Variants in RGS10 observed in about 807,000 individuals in gnomAD.
RGS10 encodes regulator of G protein signaling 10, also known as regulator of G-protein signalling 10.
Under a neutral mutation model 23.5 loss-of-function variants are expected in RGS10, and 11 were observed. The observed-to-expected ratio is 0.47, with a 90% CI of 0.29 to 0.77. RGS10 has a LOEUF of 0.77. Ranked by LOEUF, RGS10 falls within the 30% of genes least tolerant of loss-of-function variation. RGS10 has a pLI of 0.08. For synonymous variants in RGS10, 77 were observed against 83.2 expected (o/e 0.92, Z 0.41); for missense variants, 180 against 226.3 (o/e 0.80, Z 1.31).
intron 1 of RGS10, among the ~76,000 whole-genome samples, chr10:119,531,654 A>G (rs74858981): frequency 1.1e-3 from 170 of 152,300 alleles, no homozygotes; most frequent in African/African-American, 3.7e-3. Context: ...ACCTCATTTT[A>G]TAGACTGGGA....
chr10:119,511,160 C>T (rs1382018425), intron 4 of RGS10, among the ~76,000 whole-genome samples: 2 of 152,188 alleles, frequency 1.3e-5, no homozygotes, highest in Non-Finnish European at 2.9e-5. Context: ...TCTAGGCTAA[C>T]GTACTAGGGA....
chr10:119,508,589 C>A (rs1399874124), intron 4 of RGS10, among the ~76,000 whole-genome samples: 1 of 152,162 alleles, frequency 6.6e-6, no homozygotes, highest in Non-Finnish European at 1.5e-5. Context: ...TCATATGGAA[C>A]AACTTTAAGT....
chr10:119,514,917 C>T (rs1313467498), intron 4 of RGS10, among the ~76,000 whole-genome samples: 1 of 152,172 alleles, frequency 6.6e-6, no homozygotes, highest in African/African-American at 2.4e-5. Flanking sequence ...GCCCATGCGT[C>T]CTTCCGACTG....
intron 4 of RGS10, among the ~76,000 whole-genome samples, chr10:119,509,231 A>G (rs772272323): frequency 6.6e-6 from 1 of 152,044 alleles, no homozygotes; most frequent in Non-Finnish European, 1.5e-5. Context: ...CACTTCACAA[A>G]TGAGAAAAGC....
intron 3 of RGS10, among the ~76,000 whole-genome samples, chr10:119,515,901 ATTCAG>A (rs1257793723): frequency 6.6e-6 from 1 of 152,122 alleles, no homozygotes; most frequent in Non-Finnish European, 1.5e-5. Context: ...TGCATTAACC[ATTCAG>A]AAGTGATGAC....
At chr10:119,533,676 C>G (rs1030093716) in intron 1 of RGS10, among the ~76,000 whole-genome samples, 5 of 152,198 alleles carry the variant, frequency 3.3e-5, no homozygotes, top group Non-Finnish European at 7.3e-5. Flanking sequence ...GAAAAAATGT[C>G]AGGCATGTTC....
chr10:119,503,616 G>A (rs777365260), intron 4 of RGS10, among the ~76,000 whole-genome samples: 2 of 152,138 alleles, frequency 1.3e-5, no homozygotes, highest in African/African-American at 4.8e-5. Context: ...TCCCTCCAGC[G>A]CTCTGAAGAC....
At chr10:119,506,245 G>A (rs1292258471) in intron 4 of RGS10, among the ~76,000 whole-genome samples, 1 of 152,242 alleles carries the variant, frequency 6.6e-6, no homozygotes, top group African/African-American at 2.4e-5. Context: ...GGAACGGGCT[G>A]CACCCAGGAG....
intron 4 of RGS10, 54 bp downstream of exon 4, chr10:119,515,455 C>T (rs189678598): frequency 1.1e-4 from 173 of 1,607,708 alleles, no homozygotes; most frequent in Non-Finnish European, 1.4e-4. Flanking sequence ...TTCTTCCAGG[C>T]CTGGAATTAA....
intron 1 of RGS10, among the ~76,000 whole-genome samples, chr10:119,528,250 C>G (rs866772453): frequency 1.3e-5 from 2 of 152,064 alleles, no homozygotes; most frequent in Non-Finnish European, 2.9e-5. Flanking sequence ...AGGCTGGTCT[C>G]GAACTCTTGA....
At chr10:119,507,201 C>G (rs760112064) in intron 4 of RGS10, among the ~76,000 whole-genome samples, 9 of 152,136 alleles carry the variant, frequency 5.9e-5, no homozygotes, top group Non-Finnish European at 1.2e-4. Context: ...TCTTTTGGAG[C>G]AAATGTCACC....
chr10:119,532,817 G>T (rs185953720), intron 1 of RGS10, among the ~76,000 whole-genome samples: 670 of 152,114 alleles, frequency 4.4e-3, no homozygotes, highest in Non-Finnish European at 7.7e-3. Flanking sequence ...CTCCAGCCTG[G>T]GTGACAGGGC....
chr10:119,519,353 G>A (rs929037415), intron 3 of RGS10, among the ~76,000 whole-genome samples: 3 of 108,318 alleles, frequency 2.8e-5, no homozygotes, highest in African/African-American at 1.5e-4. Flanking sequence ...CTGTCTCCCT[G>A]TATCTGTCCC....
rs1471599741 is a variant in RGS10, at chr10:119,540,861, G to C, written c.49+1729C>G. Among the ~76,000 whole-genome samples, 4 of 152,252 alleles carry C rather than the reference G, an allele frequency of 2.6e-5. 1 individual carries two copies. The East Asian group carries it at 7.7e-4, about 29-fold the overall frequency. On this transcript the variant is annotated intron_variant, in intron 1 of 4. Transcript: ENST00000369103. ...TATTATGTGCCACACATTGTACTAG[G>C]GGCTTCATATGGTTTTGAGTATTTA... is the stretch of plus-strand genomic sequence containing the variant.
chr10:119,520,988 T>C (rs1022576890), intron 3 of RGS10, among the ~76,000 whole-genome samples: 3 of 152,152 alleles, frequency 2.0e-5, no homozygotes, highest in Non-Finnish European at 4.4e-5. Context: ...AATTTCCAGA[T>C]TATATGGCTC....
chr10:119,535,980 A>G (rs923519784), intron 1 of RGS10, among the ~76,000 whole-genome samples: 2 of 152,164 alleles, frequency 1.3e-5, no homozygotes, highest in African/African-American at 2.4e-5. Flanking sequence ...AGTCCTCCCA[A>G]TTTAGAATCA....
In RGS10 at chr10:119,527,357, C is replaced by T. The variant is rs760397330; in HGVS notation, c.117G>A (p.Ala39=). The T allele has an allele frequency of 6.2e-6, 10 of 1,614,068 alleles. No individual in the cohort carries two copies. The African/African-American group carries it at 6.7e-5, about 11-fold the overall frequency. ...HQSLKSTAKW[A]ASLENLLEDP... ...CTTCCAGCAGATTCTCCAGGGATGC[C>T]GCCCATTTGGCTGTGCTCTTGAGGC... The change falls in exon 2 of 5, where the codon GCG becomes GCA. Residue 39 remains alanine (A), a synonymous_variant. Transcript: ENST00000369103. This position sits in a 1 kb window ranked among gnomAD's most constrained non-coding sequence, Gnocchi z 4.2.
intron 1 of RGS10, among the ~76,000 whole-genome samples, chr10:119,539,841 G>C (rs774970311): frequency 7.9e-5 from 12 of 152,166 alleles, no homozygotes; most frequent in South Asian, 2.1e-4. Flanking sequence ...AGGTACTGGG[G>C]GAGGCAGGAC....
intron 4 of RGS10, among the ~76,000 whole-genome samples, chr10:119,514,920 T>A (rs1359363951): frequency 6.6e-6 from 1 of 152,108 alleles, no homozygotes; most frequent in Non-Finnish European, 1.5e-5. Context: ...CATGCGTCCT[T>A]CCGACTGGCT....
Sources: gnomAD v4.1 joint callset for allele counts (sites outside exome capture counted in the v4.1 genomes callset) on GRCh38, gnomAD v4.1.1 for gene constraint, Gnocchi (gnomAD v3.1) non-coding constraint, MANE v1.5 for transcripts, NCBI Gene and HGNC (gene_info 2026-07-23, HGNC 2026-07-21) for gene names.